KDM5C: variants seen among roughly 807,000 people sequenced by gnomAD.
KDM5C encodes the protein lysine-specific demethylase 5C.
KDM5C carries 16 observed loss-of-function variants against 110.6 expected under a neutral mutation model. The observed-to-expected ratio is 0.14, with a 90% confidence interval of 0.10 to 0.22. KDM5C has a LOEUF of 0.22. Among genes scored for constraint, KDM5C ranks in the 10% least tolerant of loss-of-function variants. The probability of loss-of-function intolerance (pLI) is 1.00; values close to 1 mark genes in which losing one functional copy is unlikely to be tolerated. For synonymous variants in KDM5C, 511 were observed against 520.4 expected (o/e 0.98, Z 0.24); for missense variants, 681 against 1,300.9 (o/e 0.52, Z 7.33).
Position 53,194,518 on chromosome X carries a change from A to G in KDM5C, c.3659T>C (p.Leu1220Pro). 1 of 1,211,130 alleles carries G rather than the reference A, an allele frequency of 8.3e-7. No individual in the cohort carries two copies. Among genetic ancestry groups the G allele is most frequent in the Non-Finnish European group, 1.1e-6 (1 of 895,068 alleles). The change falls in exon 23 of 26, where the codon CTC (leucine) becomes CCC (proline). Residue 1220 changes from leucine (L) to proline (P), a missense_variant. Physicochemically the swap from Leu to Pro is moderately conservative, Grantham distance 98. Around this residue, in one of 14 missense-constraint regions of KDM5C, gnomAD observed 48 missense variants for 59.7 expected, o/e 0.80. Transcript: ENST00000375401. ...HGRCVSVPRL[L>P]SSPRPNPTSS... ...GGTGGGATTGGGCCTCGGAGAGCTG[A>G]GGAGGCGAGGCACTGACACACACCG...
intron 18 of KDM5C, 51 bp from the exon 19 acceptor site, chrX:53,197,095 G>T: frequency 1.0e-6 from 1 of 966,153 alleles, no homozygotes; most frequent in African/African-American, 1.9e-5. Context: ...CCCACTGAGG[G>T]GTTCCACCAC....
At chrX:53,187,821 G>A (rs782801440), downstream of KDM5C, among the ~76,000 whole-genome samples, 2 of 108,783 alleles carry the variant, frequency 1.8e-5, no homozygotes, top group African/African-American at 6.7e-5. Flanking sequence ...GTGCGGTGGC[G>A]TGATCTCGGC....
Position 53,192,504 on chromosome X carries a change from G to GGGAAGGGAGAGGGAGAAGGGGGTA in KDM5C, c.*439_*462dup. On this transcript the variant is annotated 3_prime_UTR_variant, in exon 26 of 26. Coordinates refer to ENST00000375401, the MANE Select transcript of KDM5C (RefSeq NM_004187.5). ...TCCTCCTCCTGGGTGGAACAGTCAGGGGAAGGGAGAGGGAGAAGGGGGTAG... is the reference window on the plus strand; with the variant it reads ...TCCTCCTCCTGGGTGGAACAGTCAGGGGAAGGGAGAGGGAGAAGGGGGTAGGAAGGGAGAGGGAGAAGGGGGTAG... The GGGAAGGGAGAGGGAGAAGGGGGTA allele has an allele frequency of 3.1e-6, 1 of 320,203 alleles. No individual in the cohort carries two copies. The highest frequency in any genetic ancestry group is 5.6e-6 in the Non-Finnish European group (1 of 178,244). 26.4% of individuals were successfully genotyped at this position (320,203 alleles called of 1,213,427 possible). A position where few individuals can be genotyped will look rare whatever the true frequency, so the allele number is the denominator to read the frequency against.
At chrX:53,185,960 T>G (rs782330133) in intron 25 of KDM5C, among the ~76,000 whole-genome samples, 31 of 111,880 alleles carry the variant, frequency 2.8e-4, no homozygotes, top group Non-Finnish European at 4.9e-4. Context: ...AAAATCTCCC[T>G]CCTTGCTTTC....
In KDM5C at chrX:53,192,932, G is replaced by A. The variant is rs1480832525; in HGVS notation, c.*35C>T. 1 of 1,132,670 alleles carries A rather than the reference G, an allele frequency of 8.8e-7. No individual in the cohort carries two copies. Among genetic ancestry groups the A allele is most frequent in the Non-Finnish European group, 1.2e-6 (1 of 859,545 alleles). 93.3% of individuals were successfully genotyped at this position (1,132,670 alleles called of 1,213,427 possible). On this transcript the variant is annotated 3_prime_UTR_variant, in exon 26 of 26. Transcript: ENST00000375401. ...AAGAGGATCCTTGAGGCCGAGGGGG[G>A]TCTCTGTCAGGGTCTGTGCTAGGCT... is the stretch of plus-strand genomic sequence containing the variant.
intron 25 of KDM5C, among the ~76,000 whole-genome samples, chrX:53,181,862 C>T (rs1460315279): frequency 3.7e-5 from 4 of 108,870 alleles, no homozygotes; most frequent in African/African-American, 1.3e-4. Context: ...GATCTCAGCT[C>T]ACTGCAAGCT....
intron 19 of KDM5C, among the ~76,000 whole-genome samples, 160 bp from the exon 20 acceptor site, chrX:53,196,214 G>A (rs1164449215): frequency 8.9e-6 from 1 of 112,622 alleles, no homozygotes; most frequent in African/African-American, 3.2e-5. Context: ...GTAGCTGCCA[G>A]TCCCTGCTTC....
At chrX:53,203,719 C>T (rs1473551573) in intron 12 of KDM5C, among the ~76,000 whole-genome samples, 5 of 109,843 alleles carry the variant, frequency 4.6e-5, no homozygotes, top group Non-Finnish European at 9.5e-5. Flanking sequence ...GCCTCTGTAT[C>T]TCCAAGTTGC....
chrX:53,203,410 C>A (rs1343415473), intron 12 of KDM5C, among the ~76,000 whole-genome samples: 1 of 111,471 alleles, frequency 9.0e-6, no homozygotes, highest in African/African-American at 3.3e-5. Flanking sequence ...TGAGTGATTT[C>A]ATTAATGATT....
chrX:53,177,723 C>A (rs1338573972), intron 25 of KDM5C, among the ~76,000 whole-genome samples: 1 of 112,263 alleles, frequency 8.9e-6, no homozygotes, highest in Non-Finnish European at 1.9e-5. Flanking sequence ...TCAGTTATAT[C>A]ATTTGATTTA....
At position 53,192,869 on chromosome X, in the gene KDM5C, A is replaced by AG; in HGVS notation, c.*97_*98insC. 1.1e-5 allele frequency: 2 copies of AG among 179,885 alleles called. No individual in the cohort carries two copies. The highest frequency in any genetic ancestry group is 1.8e-5 in the Non-Finnish European group (2 of 112,553). 14.8% of individuals were successfully genotyped at this position (179,885 alleles called of 1,213,427 possible). A position where few individuals can be genotyped will look rare whatever the true frequency, so the allele number is the denominator to read the frequency against. On this transcript the variant is annotated 3_prime_UTR_variant, in exon 26 of 26. Transcript: ENST00000375401. Reference sequence around the variant, plus strand: ...GGGTAGCAGGGATGGCCACCCCCCTACCCGCCCACCCCCCAAGAAGCAGGC... The same window carrying AG: ...GGGTAGCAGGGATGGCCACCCCCCTAGCCCGCCCACCCCCCAAGAAGCAGGC...
chrX:53,216,339 T>C (rs1368693628), intron 5 of KDM5C, 142 bp from the exon 6 acceptor site: 3 of 899,010 alleles, frequency 3.3e-6, no homozygotes, highest in Non-Finnish European at 4.8e-6. Flanking sequence ...GAACTCAGAG[T>C]TGCTTTTTGG....
chrX:53,219,379 G>C (rs1330772714), intron 2 of KDM5C, among the ~76,000 whole-genome samples: 1 of 112,516 alleles, frequency 8.9e-6, no homozygotes, highest in Non-Finnish European at 1.9e-5. Flanking sequence ...GGGTGAAAGT[G>C]CATGCTATAA....
chrX:53,193,724 C>T (rs1934598623), intron 24 of KDM5C, 49 bp downstream of exon 24: 1 of 1,182,256 alleles, frequency 8.5e-7, no homozygotes, highest in Admixed American at 2.2e-5. Flanking sequence ...ACATGGGTCA[C>T]TATGGTGATG....
At chrX:53,218,507 A>G in intron 2 of KDM5C, 109 bp from the exon 3 acceptor site, 1 of 908,118 alleles carries the variant, frequency 1.1e-6, no homozygotes, top group Non-Finnish European at 1.6e-6. Flanking sequence ...CACTTTCACT[A>G]CCCAGGGTTT....
At position 53,225,124 on chromosome X, in the gene KDM5C, C is replaced by T. The variant is rs941828335; in HGVS notation, c.-235G>A. 1.4e-5 allele frequency: 5 copies of T among 365,173 alleles called. No homozygotes were observed. The highest frequency in any genetic ancestry group is 5.3e-5 in the African/African-American group (2 of 38,005). 30.1% of individuals were successfully genotyped at this position (365,173 alleles called of 1,213,427 possible). ...CGTTTCTTCCAAACTGTGTGGTTGC[C>T]TCCCCACTACCGCAGCCTTCGCCAC... On this transcript the variant is annotated 5_prime_UTR_variant, in exon 1 of 26. Coordinates refer to ENST00000375401, the MANE Select transcript of KDM5C (RefSeq NM_004187.5).
At position 53,176,436 on chromosome X, in the gene KDM5C, C is replaced by T. The variant is rs189365824; in HGVS notation, c.*145G>A. On this transcript the variant is annotated 3_prime_UTR_variant, in exon 26 of 26. Transcript: ENST00000685641. Reference sequence around the variant, plus strand: ...GGAGTAAGGAAGAGGAGTTGGTCAACGGGCAGCAGGTGGTTGGATGAGGGG... The same window carrying T: ...GGAGTAAGGAAGAGGAGTTGGTCAATGGGCAGCAGGTGGTTGGATGAGGGG... 2.8e-3 allele frequency among the ~76,000 whole-genome samples: 310 copies of T among 111,759 alleles called. 4 individuals carry two copies. Among genetic ancestry groups the T allele is most frequent in the Admixed American group, 0.026 (273 of 10,508 alleles).
At chrX:53,193,407 C>T (rs1282688613) in intron 25 of KDM5C, 30 bp downstream of exon 25, 9 of 1,209,773 alleles carry the variant, frequency 7.4e-6, no homozygotes, top group African/African-American at 1.7e-5. Flanking sequence ...GGCCTGACCT[C>T]CTGGCCCGGC....
chrX:53,215,871 T>A lies in KDM5C; in HGVS notation c.887A>T (p.Glu296Val). 8.3e-7 allele frequency: 1 copy of A among 1,211,717 alleles called. No individual in the cohort carries two copies. Among genetic ancestry groups the A allele is most frequent in the East Asian group, 3.0e-5 (1 of 33,846 alleles). Residue 296 changes from glutamate (E) to valine (V), a missense_variant, in exon 7 of 26, where the codon GAG (glutamate) becomes GTG (valine). Physicochemically the swap from Glu to Val is moderately radical, Grantham distance 121 (BLOSUM62 -2). Around this residue, in one of 14 missense-constraint regions of KDM5C, gnomAD observed 71 missense variants for 115.0 expected, o/e 0.62. Coordinates refer to ENST00000375401, the MANE Select transcript of KDM5C (RefSeq NM_004187.5). ...TSPKTFLESK[E>V]ELSHSPEPCT... ...GGGTTCTGGGCTGTGACTCAGCTCC[T>A]CCTTGCTCTCCAGGAAGGTCTTAGG...
Sources: allele counts gnomAD v4.1 joint callset (sites outside exome capture counted in the v4.1 genomes callset), GRCh38; gene constraint gnomAD v4.1.1; regional missense constraint gnomAD v4.1.1; transcripts MANE v1.5; gene names NCBI Gene and HGNC (gene_info 2026-07-23, HGNC 2026-07-21).